MACF1: variants seen among roughly 807,000 people sequenced by gnomAD.
MACF1 encodes the protein microtubule-actin cross-linking factor 1.
Under a neutral mutation model 854.8 loss-of-function variants are expected in MACF1, and 193 were observed. The ratio of observed to expected loss-of-function variants is 0.23; its 90% confidence interval spans 0.20 to 0.25. The LOEUF (loss-of-function observed/expected upper bound fraction) is 0.25, where lower values mean the gene tolerates loss of function less well. Ranked by LOEUF, MACF1 falls within the 10% of genes least tolerant of loss-of-function variation. The probability of loss-of-function intolerance (pLI) is 1.00; values close to 1 mark genes in which losing one functional copy is unlikely to be tolerated. For missense variants in MACF1, 7,722 were observed against 8,929.1 expected (o/e 0.86, Z 5.45); for synonymous variants, 3,185 against 3,226.7 (o/e 0.99, Z 0.44).
chr1:39,310,263 G>A lies in MACF1; in HGVS notation c.2935G>A (p.Gly979Arg), dbSNP rs906031503. 3.7e-6 allele frequency: 6 copies of A among 1,613,482 alleles called. No homozygotes were observed. The highest frequency in any genetic ancestry group is 5.1e-6 in the Non-Finnish European group (6 of 1,179,752). ...TTTCTAGCTTCGATCCTCAGCACCA[G>A]GGGAGTGCCATCAGATTATGAAGAA... ...NLEKLRSSAP[G>R]ECHQIMKNLQ... Residue 979 changes from glycine to arginine, a missense_variant, in exon 25 of 101, where the codon GGG becomes AGG. Around this residue, in one of 15 missense-constraint regions of MACF1, gnomAD observed 1,137 missense variants for 1,263.0 expected, o/e 0.90. Transcript: ENST00000564288.
At chr1:39,452,387 T>C in intron 86 of MACF1, 37 bp downstream of exon 86, 1 of 1,570,738 alleles carries the variant, frequency 6.4e-7, no homozygotes, top group Non-Finnish European at 8.7e-7. Context: ...AAGGGATAGA[T>C]CTGAGTGGGT....
chr1:39,416,999 A>G (rs1375639034), intron 58 of MACF1, among the ~76,000 whole-genome samples: 1 of 152,234 alleles, frequency 6.6e-6, no homozygotes, highest in East Asian at 1.9e-4. Flanking sequence ...TTTTTCCAAG[A>G]TGAGAGGTTA....
At chr1:39,086,608 C>T (rs1483569659) in intron 2 of MACF1, among the ~76,000 whole-genome samples, 1 of 152,230 alleles carries the variant, frequency 6.6e-6, no homozygotes, top group Non-Finnish European at 1.5e-5. Context: ...TGCCTCCATC[C>T]TTCATCACTC....
At chr1:39,393,863 GAGAA>G (rs1388310562) in intron 58 of MACF1, among the ~76,000 whole-genome samples, 69 of 144,218 alleles carry the variant, frequency 4.8e-4, no homozygotes, top group Middle Eastern at 7.0e-3. Flanking sequence ...GAGAGAGAGA[GAGAA>G]AGAAAGAGAG....
intron 58 of MACF1, chr1:39,411,553 G>A: frequency 1.2e-6 from 2 of 1,613,856 alleles, no homozygotes; most frequent in Non-Finnish European, 1.7e-6. Flanking sequence ...TATTCTCGGT[G>A]AGGTGGCAAA....
intron 51 of MACF1, among the ~76,000 whole-genome samples, chr1:39,370,904 A>G (rs568399937): frequency 9.2e-5 from 14 of 152,338 alleles, no homozygotes; most frequent in African/African-American, 2.9e-4. Flanking sequence ...CTAAGAAGTT[A>G]GGTCCAAACA....
intron 95 of MACF1, among the ~76,000 whole-genome samples, chr1:39,465,432 T>C (rs1644646722): frequency 6.6e-6 from 1 of 152,252 alleles, no homozygotes; most frequent in African/African-American, 2.4e-5. Context: ...ACAGTTCTTA[T>C]TTATATTAGA....
At chr1:39,329,533 C>T (rs1646679935) in intron 36 of MACF1, among the ~76,000 whole-genome samples, 1 of 152,044 alleles carries the variant, frequency 6.6e-6, no homozygotes, top group Non-Finnish European at 1.5e-5. Flanking sequence ...ATTTAGGAGG[C>T]AGGGAAATAA....
chr1:39,323,806 C>T (rs1458740112), intron 33 of MACF1, among the ~76,000 whole-genome samples: 1 of 152,122 alleles, frequency 6.6e-6, no homozygotes, highest in African/African-American at 2.4e-5. Context: ...TATATCCATA[C>T]CTACATAATG....
chr1:39,084,391 A>G lies in MACF1; in HGVS notation c.173A>G (p.Gln58Arg). 1.9e-6 allele frequency: 3 copies of G among 1,613,166 alleles called. No homozygotes were observed. The East Asian group carries it at 6.7e-5, about 36-fold the overall frequency. The stretch of plus-strand genomic sequence containing the variant: ...CATGAGCAGAAAAAGCGGAAAAGCC[A>G]GGATTCGGTGCTGGACCCTGCAGAG... Residue 58 changes from glutamine (Q) to arginine (R), a missense_variant, in exon 2 of 94, where the codon CAG becomes CGG. Gln to Arg is a conservative substitution (Grantham distance 43). Coordinates refer to the MACF1 transcript ENST00000361689. The surrounding 1 kb of genome is among the most constrained non-coding windows in gnomAD (Gnocchi z 5.2).
chr1:39,313,244 A>G (rs1646338712), intron 26 of MACF1, among the ~76,000 whole-genome samples: 2 of 152,190 alleles, frequency 1.3e-5, no homozygotes, highest in South Asian at 4.1e-4. Context: ...TCATATAAGG[A>G]TACATATGAC....
chr1:39,319,938 G>A (rs760204804), intron 31 of MACF1, among the ~76,000 whole-genome samples, 191 bp downstream of exon 31: 2 of 152,164 alleles, frequency 1.3e-5, no homozygotes, highest in Admixed American at 6.5e-5. Context: ...AGTAGCAGAC[G>A]TTGGCTGTGA....
At chr1:39,350,640 G>A in intron 42 of MACF1, 145 bp from the exon 43 acceptor site, 1 of 552,126 alleles carries the variant, frequency 1.8e-6, no homozygotes, top group Non-Finnish European at 3.2e-6. Context: ...TCTTTGCATT[G>A]ATTTAAGCCT....
At chr1:39,418,004 CATAA>C (rs1195506169) in intron 58 of MACF1, among the ~76,000 whole-genome samples, 7 of 151,976 alleles carry the variant, frequency 4.6e-5, no homozygotes, top group Non-Finnish European at 1.0e-4. Flanking sequence ...GAAAACCACA[CATAA>C]ATAAATATAA....
chr1:39,254,230 A>C, intron 4 of MACF1, 68 bp from the exon 5 acceptor site: 6 of 1,324,670 alleles, frequency 4.5e-6, no homozygotes, highest in Non-Finnish European at 6.5e-6. Flanking sequence ...CTGGAAATAA[A>C]AGAGAAAGGG....
intron 54 of MACF1, 151 bp from the exon 55 acceptor site, chr1:39,380,093 G>A: frequency 3.2e-6 from 2 of 625,252 alleles, no homozygotes; most frequent in Non-Finnish European, 2.6e-6. Context: ...TGAAGTAGAA[G>A]GGTTAAGTAT....
At chr1:39,442,612 C>T in intron 77 of MACF1, 45 bp downstream of exon 77, 2 of 1,609,756 alleles carry the variant, frequency 1.2e-6, no homozygotes, top group Non-Finnish European at 1.7e-6. Flanking sequence ...TGATTTGAGA[C>T]CAGATGCTGC....
intron 2 of MACF1, among the ~76,000 whole-genome samples, chr1:39,175,941 C>CA (rs68102262): frequency 0.26 from 25,405 of 98,310 alleles, 3,167 homozygotes; most frequent in African/African-American, 0.35. Flanking sequence ...ACTAAAAATA[C>CA]AAAAAAAAAA....
intron 72 of MACF1, 127 bp from the exon 73 acceptor site, chr1:39,440,876 C>A: frequency 1.2e-6 from 1 of 820,932 alleles, no homozygotes; most frequent in Non-Finnish European, 2.0e-6. Context: ...GCTTTAGTGT[C>A]CAGATAAGTG....
Sources: allele counts gnomAD v4.1 joint callset (sites outside exome capture counted in the v4.1 genomes callset), GRCh38; gene constraint gnomAD v4.1.1; regional missense constraint gnomAD v4.1.1; non-coding constraint Gnocchi (gnomAD v3.1); transcripts MANE v1.5; gene names NCBI Gene and HGNC (gene_info 2026-07-23, HGNC 2026-07-21).